Variants in MGAM2 observed in about 807,000 individuals in gnomAD.
MGAM2 encodes the protein maltase-glucoamylase 2 (putative), also known as probable maltase-glucoamylase 2.
In MGAM2, 98 loss-of-function variants were observed where a neutral mutation model predicts 96.1. The observed-to-expected ratio is 1.02, with a 90% CI of 0.87 to 1.21. MGAM2 has a LOEUF of 1.21. MGAM2 is among the 50% of genes most tolerant of loss of function. The probability of loss-of-function intolerance (pLI) is 0.00; values close to 1 mark genes in which losing one functional copy is unlikely to be tolerated. For missense variants in MGAM2, 2,055 were observed against 1,182.4 expected (o/e 1.74, Z -10.82); for synonymous variants, 749 against 414.8 (o/e 1.81, Z -9.79).
chr7:142,160,876 G>A (rs1795867925), intron 21 of MGAM2, among the ~76,000 whole-genome samples: 1 of 152,252 alleles, frequency 6.6e-6, no homozygotes, highest in South Asian at 2.1e-4. Flanking sequence ...CTAATTGTTG[G>A]TATTATGTAT....
intron 32 of MGAM2, among the ~76,000 whole-genome samples, chr7:142,176,786 C>T (rs555974543): frequency 1.6e-4 from 25 of 152,184 alleles, no homozygotes; most frequent in Non-Finnish European, 2.9e-4. Flanking sequence ...AGGATTAAGT[C>T]TTATCAATCT....
chr7:142,129,825 CAAAAAAAAAAAAAAAA>C (rs71166564), intron 3 of MGAM2, among the ~76,000 whole-genome samples: 19 of 33,418 alleles, frequency 5.7e-4, no homozygotes, highest in African/African-American at 7.2e-4. Flanking sequence ...AACTCTGTCT[CAAAAAAAAAAAAAAAA>C]AAAAAAAAAA....
In MGAM2 at chr7:142,220,500, G is replaced by A; in HGVS notation, c.5989G>A (p.Val1997Ile). ...TATTAGTGTTACAACTAGTACTACT[G>A]TTCCTGATACAACTGCTCCTTTCCC... ...STISVTTSTT[V>I]PDTTAPFPTS... The change falls in exon 48 of 48, where the codon GTT becomes ATT. Residue 1997 changes from valine to isoleucine, a missense_variant. Physicochemically the swap from Val to Ile is conservative, Grantham distance 29. Coordinates refer to ENST00000477922, the MANE Select transcript of MGAM2 (RefSeq NM_001293626.2). 1.4e-6 allele frequency: 1 copy of A among 702,308 alleles called. No individual in the cohort carries two copies. Among genetic ancestry groups the A allele is most frequent in the Non-Finnish European group, 2.6e-6 (1 of 384,862 alleles). 43.5% of individuals were successfully genotyped at this position (702,308 alleles called of 1,614,324 possible). A position where few individuals can be genotyped will look rare whatever the true frequency, so the allele number is the denominator to read the frequency against.
chr7:142,126,721 CTTGT>C (rs1794743089), intron 3 of MGAM2, among the ~76,000 whole-genome samples: 1 of 151,888 alleles, frequency 6.6e-6, no homozygotes, highest in Non-Finnish European at 1.5e-5. Context: ...TGTGTTAAGC[CTTGT>C]TTGTTTCCCT....
At position 142,140,836 on chromosome 7, in the gene MGAM2, G is replaced by C; in HGVS notation, c.1121G>C (p.Gly374Ala). 4.3e-6 allele frequency: 3 copies of C among 702,930 alleles called. No individual in the cohort carries two copies. The South Asian group carries it at 4.4e-5, about 10-fold the overall frequency. 43.5% of individuals were successfully genotyped at this position (702,930 alleles called of 1,614,324 possible). The change falls in exon 11 of 48, where the codon GGA becomes GCA. Residue 374 changes from glycine to alanine, a missense_variant. By Grantham distance (60) the Gly-to-Ala change is moderately conservative (BLOSUM62 0). Transcript: ENST00000477922. ...VQYSDIDYMD[G>A]KKDFTVDEVA... Reference sequence around the variant, plus strand: ...TACTCTGACATAGACTACATGGATGGAAAGAAGGATTTCACTGTTGATGAA... The same window carrying C: ...TACTCTGACATAGACTACATGGATGCAAAGAAGGATTTCACTGTTGATGAA...
rs756021236 is a variant in MGAM2 at position 142,136,538 on chromosome 7, T to C, written c.748-3T>C. 1.5e-6 allele frequency: 1 copy of C among 677,712 alleles called. No homozygotes were observed. The highest frequency in any genetic ancestry group is 2.2e-5 in the Admixed American group (1 of 44,494). The allele number at this position is 677,712 out of a possible 1,614,324, so 42.0% of individuals were successfully genotyped here. On this transcript the variant is annotated splice_polypyrimidine_tract_variant and splice_region_variant and intron_variant, in intron 7 of 47. Coordinates refer to ENST00000477922, the MANE Select transcript of MGAM2 (RefSeq NM_001293626.2). Reference sequence around the variant, plus strand: ...TATGACTTTTCTTCTGTTTTGCTGATAGGGCATGATTAATCTGTATGGAGC... The same window carrying C: ...TATGACTTTTCTTCTGTTTTGCTGACAGGGCATGATTAATCTGTATGGAGC...
Position 142,218,442 on chromosome 7 carries a change from G to A in MGAM2, c.5269G>A (p.Gly1757Ser), listed in dbSNP as rs1242472052. The A allele has an allele frequency of 4.3e-6, 3 of 702,304 alleles. No homozygotes were observed. The Admixed American group carries it at 6.0e-5, about 14-fold the overall frequency. 43.5% of individuals were successfully genotyped at this position (702,304 alleles called of 1,614,324 possible). A position where few individuals can be genotyped will look rare whatever the true frequency, so the allele number is the denominator to read the frequency against. ...AAAAGTTGGGTATATTAGAATCTGG[G>A]GTGTGAATACCTATGTGACACAAGT... is the stretch of plus-strand genomic sequence containing the variant. ...PLKVGYIRIWGVNTYVTQVSF... is the reference protein window; with the variant it reads ...PLKVGYIRIWSVNTYVTQVSF... Residue 1757 changes from glycine (G) to serine (S), a missense_variant, in exon 47 of 48, where the codon GGT becomes AGT. Gly to Ser is a moderately conservative substitution (Grantham distance 56). Transcript: ENST00000477922.
At chr7:142,219,665 A>G (rs1032587589) in intron 47 of MGAM2, among the ~76,000 whole-genome samples, 2 of 152,214 alleles carry the variant, frequency 1.3e-5, no homozygotes, top group African/African-American at 2.4e-5. Flanking sequence ...AAAGATTTCC[A>G]GCATAGGGAT....
chr7:142,214,243 G>A (rs189715839), intron 46 of MGAM2, among the ~76,000 whole-genome samples: 76 of 152,186 alleles, frequency 5.0e-4, no homozygotes, highest in African/African-American at 1.8e-3. Context: ...TTTGAAAACC[G>A]GCACAAGACA....
chr7:142,158,121 T>C, intron 18 of MGAM2, 30 bp downstream of exon 18: 1 of 700,664 alleles, frequency 1.4e-6, no homozygotes, highest in Non-Finnish European at 2.6e-6. Flanking sequence ...AAGACTCCCT[T>C]TCTGATTGTA....
rs969010543 is a variant in MGAM2, at chr7:142,166,226, T to C, written c.2781T>C (p.Ser927=). The C allele has an allele frequency of 1.4e-6, 1 of 701,424 alleles. No homozygotes were observed. The highest frequency in any genetic ancestry group is 1.8e-5 in the African/African-American group (1 of 57,118). The allele number at this position is 701,424 out of a possible 1,614,324, so 43.5% of individuals were successfully genotyped here. ...YPDDPTASEE[S]CRQRGCLWED... is the part of the protein sequence containing the mutation. ...ATGATCCAACAGCCTCTGAGGAGAGTTGTAGGCAGCGGGGGTGTCTTTGGG... is the reference window on the plus strand; with the variant it reads ...ATGATCCAACAGCCTCTGAGGAGAGCTGTAGGCAGCGGGGGTGTCTTTGGG... Residue 927 remains serine, a synonymous_variant, in exon 25 of 48, where the codon AGT becomes AGC. Transcript: ENST00000477922.
At chr7:142,130,034 G>A (rs1469316073) in intron 3 of MGAM2, among the ~76,000 whole-genome samples, 2 of 151,922 alleles carry the variant, frequency 1.3e-5, no homozygotes, top group African/African-American at 4.8e-5. Context: ...GGTCTCAGTT[G>A]CCATTTGTTT....
chr7:142,198,631 C>A lies in MGAM2; in HGVS notation c.4940C>A (p.Ser1647Ter), dbSNP rs989085163. ...YDYSTGTSST[S>*]TGQRKILKAP... is the part of the protein sequence containing the mutation. Reference sequence around the variant, plus strand: ...CCTTTCTAGGGAACTAGCAGCACATCAACAGGTCAGAGGAAAATCCTGAAG... The same window carrying A: ...CCTTTCTAGGGAACTAGCAGCACATAAACAGGTCAGAGGAAAATCCTGAAG... Residue 1647 changes from serine (S) to a stop codon, truncating the protein, a stop_gained, in exon 44 of 48, where the codon TCA becomes TAA. Transcript: ENST00000477922. LOFTEE classifies it high-confidence loss of function. 3 of 703,008 alleles carry A rather than the reference C, an allele frequency of 4.3e-6. No homozygotes were observed. The highest frequency in any genetic ancestry group is 5.2e-6 in the Non-Finnish European group (2 of 384,964). 43.5% of individuals were successfully genotyped at this position (703,008 alleles called of 1,614,324 possible). A position where few individuals can be genotyped will look rare whatever the true frequency, so the allele number is the denominator to read the frequency against.
chr7:142,134,761 G>T (rs1203252273), intron 7 of MGAM2, among the ~76,000 whole-genome samples: 1 of 146,214 alleles, frequency 6.8e-6, no homozygotes, highest in East Asian at 2.1e-4. Context: ...TATCTGGAGT[G>T]AAGGACTAGT....
intron 15 of MGAM2, among the ~76,000 whole-genome samples, chr7:142,147,861 G>A (rs537317378): frequency 2.2e-4 from 33 of 152,032 alleles, no homozygotes; most frequent in Middle Eastern, 3.4e-3. Flanking sequence ...CTCTTGCTTG[G>A]ATCCTTTTAC....
chr7:142,187,624 C>A, intron 35 of MGAM2, 126 bp from the exon 36 acceptor site: 1 of 583,846 alleles, frequency 1.7e-6, no homozygotes, highest in East Asian at 2.8e-5. Context: ...AGGAATTAAA[C>A]ACAGTGAACT....
chr7:142,157,500 T>C (rs1453990265), intron 17 of MGAM2, among the ~76,000 whole-genome samples: 2 of 151,892 alleles, frequency 1.3e-5, no homozygotes, highest in African/African-American at 2.4e-5. Context: ...CAAGCAATTC[T>C]CCTGCCTCAG....
intron 3 of MGAM2, among the ~76,000 whole-genome samples, chr7:142,122,176 G>T (rs180759832): frequency 2.0e-5 from 3 of 151,810 alleles, no homozygotes; most frequent in South Asian, 2.1e-4. Context: ...TTGCCTTCTC[G>T]TATTTATCAC....
At chr7:142,196,497 C>A in intron 38 of MGAM2, 68 bp from the exon 39 acceptor site, 1 of 702,774 alleles carries the variant, frequency 1.4e-6, no homozygotes, top group South Asian at 1.5e-5. Context: ...AAGGAAAAAT[C>A]AGGCCAAGCC....
Sources: allele counts gnomAD v4.1 joint callset (sites outside exome capture counted in the v4.1 genomes callset), GRCh38; gene constraint gnomAD v4.1.1; transcripts MANE v1.5; gene names NCBI Gene and HGNC (gene_info 2026-07-23, HGNC 2026-07-21).